Variants in SMARCC1 observed in about 807,000 individuals in gnomAD.
SMARCC1 encodes the protein SWI/SNF complex subunit SMARCC1.
A neutral mutation model predicts 147.4 loss-of-function variants in SMARCC1; 43 were observed. The observed-to-expected ratio is 0.29, with a 90% confidence interval of 0.23 to 0.38. The LOEUF is 0.38. SMARCC1 is among the 10% of genes least tolerant of loss of function. The pLI is 1.00. For missense variants in SMARCC1, 1,119 were observed against 1,381.1 expected, an observed-to-expected ratio of 0.81 and a Z score of 3.01; for synonymous variants, 495 against 484.4, an observed-to-expected ratio of 1.02 and a Z score of -0.29.
intron 10 of SMARCC1, among the ~76,000 whole-genome samples, chr3:47,703,319 T>C (rs1035772169): frequency 2.0e-5 from 3 of 152,168 alleles, no homozygotes; most frequent in African/African-American, 7.2e-5. Context: ...ACCTCAGGGT[T>C]TTAAGGTTAC....
intron 26 of SMARCC1, among the ~76,000 whole-genome samples, chr3:47,595,797 C>T (rs1333121101): frequency 6.8e-5 from 10 of 147,454 alleles, no homozygotes; most frequent in African/African-American, 1.2e-4. Context: ...TGCAGTGGGG[C>T]GATCTCGACT....
At chr3:47,681,097 T>C (rs2033638976) in intron 14 of SMARCC1, among the ~76,000 whole-genome samples, 1 of 152,162 alleles carries the variant, frequency 6.6e-6, no homozygotes, top group African/African-American at 2.4e-5. Flanking sequence ...TTTTTTGGGA[T>C]AATACAACAT....
chr3:47,765,238 A>G (rs1407905569), intron 2 of SMARCC1, among the ~76,000 whole-genome samples: 2 of 151,870 alleles, frequency 1.3e-5, no homozygotes, highest in African/African-American at 2.4e-5. Flanking sequence ...GCAACAAGAG[A>G]GAAACTCTGT....
In SMARCC1 at chr3:47,662,800, C is replaced by T. The variant is rs138923762; in HGVS notation, c.1900-208G>A. Among the ~76,000 whole-genome samples the T allele has an allele frequency of 4.0e-3, 601 of 151,860 alleles. 2 individuals carry two copies. Among genetic ancestry groups the T allele is most frequent in the Non-Finnish European group, 6.6e-3 (447 of 67,958 alleles). On this transcript the variant is annotated intron_variant, in intron 19 of 27. Transcript: ENST00000254480. ...TACTGTAAAGAAAGTAGTCCAGGCA[C>T]GGTGGCTCACGCGTATAATCTCAGC... is the stretch of plus-strand genomic sequence containing the variant.
chr3:47,748,896 A>G (rs935131874), intron 2 of SMARCC1, among the ~76,000 whole-genome samples: 2 of 152,206 alleles, frequency 1.3e-5, no homozygotes, highest in Admixed American at 1.3e-4. Flanking sequence ...AGAAGTGAGC[A>G]TAGTTTCTCC....
At chr3:47,602,768 T>TA (rs1470183747) in intron 26 of SMARCC1, among the ~76,000 whole-genome samples, 1 of 151,826 alleles carries the variant, frequency 6.6e-6, no homozygotes, top group Admixed American at 6.6e-5. Flanking sequence ...CTTTCACACA[T>TA]AGAGTACACA....
At chr3:47,689,078 G>A (rs2033762360) in intron 13 of SMARCC1, among the ~76,000 whole-genome samples, 1 of 151,982 alleles carries the variant, frequency 6.6e-6, no homozygotes, top group Non-Finnish European at 1.5e-5. Context: ...GTGTAGTGGT[G>A]CACACAAGTA....
Position 47,760,157 on chromosome 3 carries a change from T to C in SMARCC1, c.315+12660A>G, listed in dbSNP as rs201009758. 3.3e-5 allele frequency among the ~76,000 whole-genome samples: 5 copies of C among 151,486 alleles called. No homozygotes were observed. The East Asian group carries it at 9.8e-4, about 30-fold the overall frequency. On this transcript the variant is annotated intron_variant, in intron 2 of 27. Transcript: ENST00000254480. ...GGTGAAACCCCATCTCTACCAAAAA[T>C]ACAAAATATCAGCTGGGAATGGTGG...
chr3:47,710,706 G>A lies in SMARCC1; in HGVS notation c.895C>T (p.Arg299Trp), dbSNP rs1276362794. 3.7e-6 allele frequency: 6 copies of A among 1,613,332 alleles called. No individual in the cohort carries two copies. The highest frequency in any genetic ancestry group is 1.3e-5 in the African/African-American group (1 of 74,878). The change falls in exon 9 of 28, where the codon CGG becomes TGG. Residue 299 changes from arginine to tryptophan, a missense_variant. Around this residue, in one of 6 missense-constraint regions of SMARCC1, gnomAD observed 542 missense variants for 611.8 expected, o/e 0.89. Coordinates refer to ENST00000254480, the MANE Select transcript of SMARCC1 (RefSeq NM_003074.4). ...ENRKPVSFRQ[R>W]ISTKNEEPVR... ...ACCTCTTCATTCTTGGTTGAAATCC[G>A]CTGACGAAAACTCACAGGCTTCCTA... is the stretch of plus-strand genomic sequence containing the variant.
intron 21 of SMARCC1, among the ~76,000 whole-genome samples, chr3:47,654,859 A>C (rs2033240327): frequency 6.6e-6 from 1 of 152,226 alleles, no homozygotes; most frequent in Non-Finnish European, 1.5e-5. Context: ...TTTATGAAGG[A>C]TAGGCCTCCA....
intron 19 of SMARCC1, 81 bp downstream of exon 19, chr3:47,670,577 C>A (rs2033481500): frequency 1.1e-6 from 1 of 935,340 alleles, no homozygotes; most frequent in Non-Finnish European, 1.8e-6. Context: ...CAGCGAGACC[C>A]TGCCTCTAAA....
intron 2 of SMARCC1, among the ~76,000 whole-genome samples, chr3:47,754,805 G>A (rs147149483): frequency 2.2e-4 from 33 of 152,264 alleles, no homozygotes; most frequent in African/African-American, 7.7e-4. Context: ...AACTTTGGGA[G>A]GCCAAAACAA....
At chr3:47,623,227 C>T (rs998122174) in intron 24 of SMARCC1, among the ~76,000 whole-genome samples, 5 of 141,656 alleles carry the variant, frequency 3.5e-5, no homozygotes, top group Admixed American at 3.0e-4. Context: ...AACTCCTGGG[C>T]TCAAGTGATC....
At position 47,645,267 on chromosome 3, in the gene SMARCC1, G is replaced by A. The variant is rs1336577735; in HGVS notation, c.2321-6487C>T. Among the ~76,000 whole-genome samples, 6 of 151,232 alleles carry A rather than the reference G, an allele frequency of 4.0e-5. No individual in the cohort carries two copies. The East Asian group carries it at 9.6e-4, about 24-fold the overall frequency. On this transcript the variant is annotated intron_variant, in intron 21 of 27. Transcript: ENST00000254480. ...GTTCATGCCACTGCACTTTAGCCTGGGTGACAGAGCGAGACCCTGTCCCCC... is the reference window on the plus strand; with the variant it reads ...GTTCATGCCACTGCACTTTAGCCTGAGTGACAGAGCGAGACCCTGTCCCCC...
At chr3:47,675,920 G>A (rs1247256497) in intron 17 of SMARCC1, among the ~76,000 whole-genome samples, 1 of 151,564 alleles carries the variant, frequency 6.6e-6, no homozygotes, top group Non-Finnish European at 1.5e-5. Flanking sequence ...ACTCCAGCCG[G>A]GGGAACAGTG....
At chr3:47,625,525 G>A (rs970939559) in intron 24 of SMARCC1, among the ~76,000 whole-genome samples, 8 of 151,948 alleles carry the variant, frequency 5.3e-5, no homozygotes, top group African/African-American at 9.7e-5. Flanking sequence ...ATGAGCCACC[G>A]TGCCCAGCCT....
At chr3:47,682,755 T>G (rs2033670495) in intron 14 of SMARCC1, among the ~76,000 whole-genome samples, 2 of 152,222 alleles carry the variant, frequency 1.3e-5, no homozygotes, top group African/African-American at 4.8e-5. Flanking sequence ...ATGTCATATA[T>G]TAATAATTGT....
At chr3:47,773,021 CT>C in intron 1 of SMARCC1, 85 bp from the exon 2 acceptor site, 1 of 1,246,170 alleles carries the variant, frequency 8.0e-7, no homozygotes, top group South Asian at 1.5e-5. Flanking sequence ...CTACTAAGTA[CT>C]TACGTTATGG....
intron 16 of SMARCC1, among the ~76,000 whole-genome samples, chr3:47,677,347 C>G (rs2033587089): frequency 6.6e-6 from 1 of 151,266 alleles, no homozygotes; most frequent in Non-Finnish European, 1.5e-5. Flanking sequence ...GTGATCTACC[C>G]ACCTCGGCCT....
Sources: allele counts gnomAD v4.1 joint callset (sites outside exome capture counted in the v4.1 genomes callset), GRCh38; gene constraint gnomAD v4.1.1; regional missense constraint gnomAD v4.1.1; transcripts MANE v1.5; gene names NCBI Gene and HGNC (gene_info 2026-07-23, HGNC 2026-07-21).